The following RNF138 variants were observed in gnomAD, a reference collection of about 807,000 sequenced individuals.
RNF138 encodes ring finger protein 138.
RNF138 carries 12 observed loss-of-function variants against 31.0 expected under a neutral mutation model. That is an observed-to-expected ratio of 0.39 (90% CI 0.25 to 0.63). The LOEUF is 0.63. Among genes scored for constraint, RNF138 ranks in the 20% least tolerant of loss-of-function variants. RNF138 has a pLI of 0.52. For synonymous variants in RNF138, 105 were observed against 99.5 expected (o/e 1.06, Z -0.33); for missense variants, 192 against 300.1 (o/e 0.64, Z 2.66).
chr18:32,126,839 ATATT>A, intron 7 of RNF138, 39 bp downstream of exon 7: 1 of 1,225,864 alleles, frequency 8.2e-7, no homozygotes. Context: ...TACTGTTTAA[ATATT>A]AAAGTTAAAA....
intron 7 of RNF138, among the ~76,000 whole-genome samples, chr18:32,127,600 A>C (rs1222775724): frequency 6.6e-6 from 1 of 152,230 alleles, no homozygotes. Flanking sequence ...GCCAATTTCA[A>C]AATAAAAATT....
At chr18:32,102,728 G>T (rs754816383) in intron 2 of RNF138, among the ~76,000 whole-genome samples, 2 of 151,430 alleles carry the variant, frequency 1.3e-5, no homozygotes, top group Non-Finnish European at 2.9e-5. Context: ...CATCTCCCAG[G>T]TTCAAGTGAT....
chr18:32,095,424 G>A (rs2039787537), intron 2 of RNF138, among the ~76,000 whole-genome samples: 1 of 151,986 alleles, frequency 6.6e-6, no homozygotes. Flanking sequence ...CTCCTGTCTT[G>A]GCCTCCAAAA....
At chr18:32,098,952 C>T (rs1204958144) in intron 2 of RNF138, among the ~76,000 whole-genome samples, 8 of 146,366 alleles carry the variant, frequency 5.5e-5, no homozygotes, top group South Asian at 4.3e-4. Flanking sequence ...GGAATGATCT[C>T]GATTATCGAC....
At chr18:32,116,503 A>T (rs1246159442) in intron 4 of RNF138, among the ~76,000 whole-genome samples, 2 of 151,736 alleles carry the variant, frequency 1.3e-5, no homozygotes, top group African/African-American at 4.8e-5. Context: ...AAATTGGCAA[A>T]GGAAGGAAAA....
chr18:32,099,443 C>T (rs1027060202), intron 2 of RNF138, among the ~76,000 whole-genome samples: 2 of 152,138 alleles, frequency 1.3e-5, no homozygotes, highest in Admixed American at 6.6e-5. Flanking sequence ...CGCTCTGTTG[C>T]CCAGACTGGA....
intron 2 of RNF138, among the ~76,000 whole-genome samples, chr18:32,095,359 A>T (rs985061442): frequency 6.6e-6 from 1 of 152,014 alleles, no homozygotes; most frequent in Non-Finnish European, 1.5e-5. Context: ...TTTTATAGAG[A>T]CAGGGCCTCA....
Position 32,124,746 on chromosome 18 carries a change from TC to T in RNF138, c.464del (p.Pro155LeufsTer30). On this transcript the variant is annotated frameshift_variant, in exon 6 of 8. Transcript: ENST00000261593. LOFTEE classifies it high-confidence loss of function. ...AATTGTTTTATAGTTCTTCTGGTCA[TC>T]CTACTTTTAAGTGTCCCCTGTGTCA... ...YQENTSSSGH[P>X]TFKCPLCQES... 1 of 1,555,550 alleles carries T rather than the reference TC, an allele frequency of 6.4e-7. No individual in the cohort carries two copies. The highest frequency in any genetic ancestry group is 8.9e-7 in the Non-Finnish European group (1 of 1,127,144).
At position 32,092,793 on chromosome 18, in the gene RNF138, C is replaced by T; in HGVS notation, c.17C>T (p.Ser6Phe). MAEDL[S>F]AATSYTEDDF... The stretch of plus-strand genomic sequence containing the variant: ...TCCCCCGCCATGGCCGAGGACCTCT[C>T]TGCGGCCACGTCCTACACCGAAGAT... The change falls in exon 2 of 8, where the codon TCT (serine) becomes TTT (phenylalanine). Residue 6 changes from serine (S) to phenylalanine (F), a missense_variant. Around this residue, in one of 2 missense-constraint regions of RNF138, gnomAD observed 52 missense variants for 48.4 expected, o/e 1.07. Coordinates refer to ENST00000261593, the MANE Select transcript of RNF138 (RefSeq NM_016271.5). 2 of 1,590,034 alleles carry T rather than the reference C, an allele frequency of 1.3e-6. No individual in the cohort carries two copies. Among genetic ancestry groups the T allele is most frequent in the South Asian group, 1.1e-5 (1 of 87,516 alleles).
chr18:32,123,652 C>CTTT (rs375810742), intron 5 of RNF138, 78 bp downstream of exon 5: 514 of 636,196 alleles, frequency 8.1e-4, no homozygotes, highest in South Asian at 2.1e-3. Flanking sequence ...TTAAATTAAA[C>CTTT]TTTTTTTTTT....
chr18:32,114,344 G>C (rs1272783963), intron 4 of RNF138, among the ~76,000 whole-genome samples: 1 of 152,040 alleles, frequency 6.6e-6, no homozygotes, highest in Non-Finnish European at 1.5e-5. Context: ...TAAACAACTA[G>C]ATTTGGATTG....
chr18:32,128,990 A>C (rs1255082096), intron 7 of RNF138, 129 bp from the exon 8 acceptor site: 1 of 624,222 alleles, frequency 1.6e-6, no homozygotes, highest in African/African-American at 1.8e-5. Flanking sequence ...TATGTTTTAC[A>C]TAACTGTCCT....
At chr18:32,105,888 C>T (rs1048434522) in intron 2 of RNF138, among the ~76,000 whole-genome samples, 1 of 152,098 alleles carries the variant, frequency 6.6e-6, no homozygotes, top group Non-Finnish European at 1.5e-5. Flanking sequence ...TGTTTTGGTC[C>T]ATCAACAAAT....
intron 2 of RNF138, among the ~76,000 whole-genome samples, chr18:32,097,913 T>G (rs2144564096): frequency 6.7e-6 from 1 of 150,310 alleles, no homozygotes; most frequent in South Asian, 2.1e-4. Context: ...TATGTGTATT[T>G]GTGTGTGTGT....
At chr18:32,093,128 C>CTCTCCCGT (rs1352308288) in intron 2 of RNF138, among the ~76,000 whole-genome samples, 23 of 151,482 alleles carry the variant, frequency 1.5e-4, no homozygotes, top group African/African-American at 5.6e-4. Flanking sequence ...CGCTCTCCCG[C>CTCTCCCGT]TCTCCCGCTC....
intron 2 of RNF138, among the ~76,000 whole-genome samples, 161 bp downstream of exon 2, chr18:32,093,047 G>T (rs1370348297): frequency 6.6e-6 from 1 of 151,824 alleles, no homozygotes; most frequent in African/African-American, 2.4e-5. Context: ...CAGAGTCCCG[G>T]GGCGGCCTTT....
At chr18:32,094,518 C>A (rs2039769717) in intron 2 of RNF138, among the ~76,000 whole-genome samples, 1 of 151,828 alleles carries the variant, frequency 6.6e-6, no homozygotes, top group Non-Finnish European at 1.5e-5. Context: ...TTTTGCGGTT[C>A]ATAGTGTGAT....
intron 4 of RNF138, among the ~76,000 whole-genome samples, chr18:32,118,798 C>G (rs181842542): frequency 1.3e-5 from 2 of 152,212 alleles, no homozygotes; most frequent in East Asian, 3.9e-4. Flanking sequence ...CACTAACACT[C>G]CAGCCTGGGC....
chr18:32,099,925 C>T (rs929782762), intron 2 of RNF138, among the ~76,000 whole-genome samples: 4 of 152,162 alleles, frequency 2.6e-5, no homozygotes, highest in Admixed American at 6.5e-5. Flanking sequence ...AGGGTAGATA[C>T]AAACAAATAT....
Sources: allele counts gnomAD v4.1 joint callset (sites outside exome capture counted in the v4.1 genomes callset), GRCh38; gene constraint gnomAD v4.1.1; regional missense constraint gnomAD v4.1.1; transcripts MANE v1.5; gene names NCBI Gene and HGNC (gene_info 2026-07-23, HGNC 2026-07-21).